The following ATRN variants were observed in gnomAD, a reference collection of about 807,000 sequenced individuals.
ATRN encodes attractin, also known as attractin-2.
In ATRN, 54 loss-of-function variants were observed where a neutral mutation model predicts 178.7. The observed-to-expected ratio is 0.30, with a 90% CI of 0.24 to 0.38. The LOEUF (loss-of-function observed/expected upper bound fraction) is 0.38, where lower values mean the gene tolerates loss of function less well. Among genes scored for constraint, ATRN ranks in the 10% least tolerant of loss-of-function variants. The pLI, the probability that ATRN is intolerant of heterozygous loss-of-function variation, is 1.00. For synonymous variants in ATRN, 636 were observed against 663.0 expected (o/e 0.96, Z 0.63); for missense variants, 1,443 against 1,815.1 (o/e 0.79, Z 3.73).
chr20:3,523,441 T>C (rs2085323121), intron 1 of ATRN, among the ~76,000 whole-genome samples: 2 of 152,174 alleles, frequency 1.3e-5, no homozygotes, highest in South Asian at 4.1e-4. Context: ...CTGCGTTTGA[T>C]TGGTGTACCT....
intron 24 of ATRN, among the ~76,000 whole-genome samples, chr20:3,615,248 G>C (rs1210936894): frequency 6.6e-6 from 1 of 151,928 alleles, no homozygotes; most frequent in African/African-American, 2.4e-5. Context: ...GGGCAACATA[G>C]TAAAACCCTG....
chr20:3,507,584 A>G (rs1356808826), intron 1 of ATRN, among the ~76,000 whole-genome samples: 1 of 152,152 alleles, frequency 6.6e-6, no homozygotes, highest in Non-Finnish European at 1.5e-5. Context: ...TCACAAAGTG[A>G]TAAGATGCTT....
intron 3 of ATRN, among the ~76,000 whole-genome samples, chr20:3,541,857 C>T (rs564287982): frequency 6.6e-6 from 1 of 152,178 alleles, no homozygotes; most frequent in Non-Finnish European, 1.5e-5. Flanking sequence ...AAAAAGAAAT[C>T]AGTTCAACAA....
intron 1 of ATRN, among the ~76,000 whole-genome samples, chr20:3,479,303 T>G (rs908083683): frequency 6.6e-5 from 10 of 152,186 alleles, no homozygotes; most frequent in African/African-American, 2.2e-4. Flanking sequence ...TGTGTAAGAA[T>G]CAGGCCTTGC....
At position 3,528,952 on chromosome 20, in the gene ATRN, A is replaced by C. The variant is rs146268468; in HGVS notation, c.411-6301A>C. Among the ~76,000 whole-genome samples, 863 of 152,136 alleles carry C rather than the reference A, an allele frequency of 5.7e-3. 6 individuals carry two copies. The highest frequency in any genetic ancestry group is 9.6e-3 in the Non-Finnish European group (653 of 68,002). The stretch of plus-strand genomic sequence containing the variant: ...CTTAACCTCCCAAGTAGCTGGGACT[A>C]CAGGCGCATACCACCACACTTGGCT... On this transcript the variant is annotated intron_variant, in intron 1 of 28. Coordinates refer to ENST00000262919, the MANE Select transcript of ATRN (RefSeq NM_139321.3).
intron 16 of ATRN, among the ~76,000 whole-genome samples, chr20:3,583,282 A>G (rs2086305826): frequency 6.6e-6 from 1 of 152,228 alleles, no homozygotes; most frequent in African/African-American, 2.4e-5. Flanking sequence ...GTGGATTGTA[A>G]AACCCCTAAA....
chr20:3,618,500 A>G (rs2146310089), intron 24 of ATRN, among the ~76,000 whole-genome samples: 1 of 152,306 alleles, frequency 6.6e-6, no homozygotes, highest in South Asian at 2.1e-4. Context: ...GTAGTTCTCT[A>G]ATGATTTCTA....
At chr20:3,471,637 C>G in intron 1 of ATRN, 120 bp downstream of exon 1, 3 of 1,271,770 alleles carry the variant, frequency 2.4e-6, no homozygotes, top group Non-Finnish European at 3.0e-6. Flanking sequence ...TAGGGCCGCC[C>G]TATGGGGTTT....
rs1600175808 is a variant in ATRN at position 3,644,040 on chromosome 20, A to G, written c.4051-114A>G. 10 of 754,208 alleles carry G rather than the reference A, an allele frequency of 1.3e-5. No homozygotes were observed. In the East Asian group the frequency reaches 1.9e-4, roughly 14 times the overall value. 46.7% of individuals were successfully genotyped at this position (754,208 alleles called of 1,614,324 possible). On this transcript the variant is annotated intron_variant, in intron 27 of 28. Transcript: ENST00000262919. ...TTCATTATCTTAAAAACTGCAATGT[A>G]CCTTTTTTATATACCTGAAATTGAT...
chr20:3,478,543 G>T (rs1599996537), intron 1 of ATRN, among the ~76,000 whole-genome samples: 1 of 152,048 alleles, frequency 6.6e-6, no homozygotes, highest in Admixed American at 6.6e-5. Flanking sequence ...CGGTGGGTAG[G>T]GGGATAGGGG....
chr20:3,522,898 C>T (rs558503754), intron 1 of ATRN, among the ~76,000 whole-genome samples: 128 of 152,122 alleles, frequency 8.4e-4, no homozygotes, highest in African/African-American at 2.9e-3. Context: ...ATACAGAAAC[C>T]CCATCCAAAG....
intron 1 of ATRN, among the ~76,000 whole-genome samples, chr20:3,524,490 A>T (rs950633868): frequency 6.6e-6 from 1 of 152,184 alleles, no homozygotes; most frequent in African/African-American, 2.4e-5. Flanking sequence ...CCCACTGTCA[A>T]TATCAGACAG....
chr20:3,525,452 G>A (rs2085351060), intron 1 of ATRN, among the ~76,000 whole-genome samples: 3 of 152,162 alleles, frequency 2.0e-5, no homozygotes, highest in Admixed American at 2.0e-4. Context: ...CAGATTCACA[G>A]CCGAATTCTA....
At chr20:3,513,203 T>C (rs1035131512) in intron 1 of ATRN, among the ~76,000 whole-genome samples, 7 of 152,232 alleles carry the variant, frequency 4.6e-5, no homozygotes, top group Non-Finnish European at 7.3e-5. Flanking sequence ...TCCTGAATGG[T>C]ATTGCCTAGG....
At position 3,576,885 on chromosome 20, in the gene ATRN, C is replaced by T. The variant is rs1220569146; in HGVS notation, c.2241C>T (p.Cys747=). The change falls in exon 14 of 29, where the codon TGC becomes TGT. Residue 747 remains cysteine, a synonymous_variant. Coordinates refer to ENST00000262919, the MANE Select transcript of ATRN (RefSeq NM_139321.3). ...GQISIFRYEN[C]PKDNPMYYCN... ...TCTCCATTTTTAGGTATGAGAATTG[C>T]CCCAAGGATAACCCCATGTACTACT... The T allele has an allele frequency of 6.2e-7, 1 of 1,613,950 alleles. No individual in the cohort carries two copies. The highest frequency in any genetic ancestry group is 2.2e-5 in the East Asian group (1 of 44,894).
chr20:3,607,278 TAATG>T (rs1362461628), intron 24 of ATRN, among the ~76,000 whole-genome samples: 1 of 152,226 alleles, frequency 6.6e-6, no homozygotes, highest in African/African-American at 2.4e-5. Context: ...TATTTTGAAA[TAATG>T]AATAAGTTAT....
intron 24 of ATRN, among the ~76,000 whole-genome samples, chr20:3,618,224 T>C (rs896471918): frequency 4.6e-5 from 7 of 152,092 alleles, no homozygotes; most frequent in African/African-American, 1.4e-4. Context: ...AGCAGTGATA[T>C]ATACTGGAGG....
intron 1 of ATRN, among the ~76,000 whole-genome samples, chr20:3,511,316 A>T (rs2085124217): frequency 6.6e-6 from 1 of 152,190 alleles, no homozygotes; most frequent in African/African-American, 2.4e-5. Flanking sequence ...AAAACTGATC[A>T]ACTGCTGGAG....
At position 3,556,066 on chromosome 20, in the gene ATRN, T is replaced by C. The variant is rs147262317; in HGVS notation, c.1113-3327T>C. On this transcript the variant is annotated intron_variant, in intron 6 of 28. Coordinates refer to ENST00000262919, the MANE Select transcript of ATRN (RefSeq NM_139321.3). The stretch of plus-strand genomic sequence containing the variant: ...TAGGCCTAAAGAAATACGAATAAAT[T>C]AGATACAGCAAAAATTAGAATGAAA... 2.7e-3 allele frequency among the ~76,000 whole-genome samples: 407 copies of C among 152,194 alleles called. 1 individual carries two copies. Among genetic ancestry groups the C allele is most frequent in the Non-Finnish European group, 4.0e-3 (272 of 68,012 alleles).
Sources: gnomAD v4.1 joint callset for allele counts (sites outside exome capture counted in the v4.1 genomes callset) on GRCh38, gnomAD v4.1.1 for gene constraint, MANE v1.5 for transcripts, NCBI Gene and HGNC (gene_info 2026-07-23, HGNC 2026-07-21) for gene names.